Variants in ZNF423 observed in about 807,000 individuals in gnomAD.
The protein encoded by ZNF423 is zinc finger protein 423.
A neutral mutation model predicts 95.8 loss-of-function variants in ZNF423; 12 were observed. The observed-to-expected ratio is 0.13, with a 90% CI of 0.08 to 0.20. The LOEUF is 0.20. Ranked by LOEUF, ZNF423 falls within the 10% of genes least tolerant of loss-of-function variation. The pLI, the probability that ZNF423 is intolerant of heterozygous loss-of-function variation, is 1.00. For synonymous variants in ZNF423, 749 were observed against 711.9 expected, an observed-to-expected ratio of 1.05 and a Z score of -0.83; for missense variants, 1,316 against 1,737.1, an observed-to-expected ratio of 0.76 and a Z score of 4.31.
chr16:49,506,524 T>G (rs1967650314), intron 7 of ZNF423, among the ~76,000 whole-genome samples: 1 of 115,948 alleles, frequency 8.6e-6, no homozygotes, highest in African/African-American at 3.9e-5. Context: ...TGGACAGATG[T>G]ATGGATGGAT....
intron 3 of ZNF423, among the ~76,000 whole-genome samples, chr16:49,671,711 T>A (rs950725778): frequency 3.3e-5 from 5 of 152,050 alleles, no homozygotes; most frequent in African/African-American, 1.2e-4. Context: ...TGAGGCGGAG[T>A]CTCACTCTGT....
intron 2 of ZNF423, 106 bp downstream of exon 2, chr16:49,789,381 G>A (rs2034372298): frequency 9.1e-7 from 1 of 1,104,276 alleles, no homozygotes; most frequent in Non-Finnish European, 1.3e-6. Context: ...AGGCAGGAAT[G>A]TGACACGAAG....
At chr16:49,680,821 C>T (rs1000157365) in intron 3 of ZNF423, among the ~76,000 whole-genome samples, 1 of 152,212 alleles carries the variant, frequency 6.6e-6, no homozygotes, top group East Asian at 1.9e-4. Flanking sequence ...CACAGCCTGC[C>T]AGGTCAAGGG....
At chr16:49,717,305 C>T (rs1001136988) in intron 3 of ZNF423, among the ~76,000 whole-genome samples, 9 of 150,432 alleles carry the variant, frequency 6.0e-5, no homozygotes, top group Non-Finnish European at 1.3e-4. Flanking sequence ...ATCATAGGAA[C>T]AGGCCCCCAT....
intron 2 of ZNF423, among the ~76,000 whole-genome samples, chr16:49,735,494 G>A (rs1398685296): frequency 1.3e-5 from 2 of 152,148 alleles, no homozygotes; most frequent in Non-Finnish European, 2.9e-5. Flanking sequence ...TCTGCAGGGA[G>A]ACCTTGACTC....
chr16:49,549,545 G>A lies in ZNF423; in HGVS notation c.3602-24051C>T, dbSNP rs118160349. Among the ~76,000 whole-genome samples, 337 of 152,328 alleles carry A rather than the reference G, an allele frequency of 2.2e-3. 1 individual carries two copies. Among genetic ancestry groups the A allele is most frequent in the African/African-American group, 7.0e-3 (291 of 41,578 alleles). On this transcript the variant is annotated intron_variant, in intron 5 of 7. Coordinates refer to ENST00000563137, the MANE Select transcript of ZNF423 (RefSeq NM_001379286.1). ...CCTCTCCTCCAGAGGTTGGCTGACCGAGAAGGTGACAGGTCTGGGACCACA... is the reference window on the plus strand; with the variant it reads ...CCTCTCCTCCAGAGGTTGGCTGACCAAGAAGGTGACAGGTCTGGGACCACA...
At chr16:49,540,603 G>T (rs181183447) in intron 5 of ZNF423, among the ~76,000 whole-genome samples, 21 of 152,216 alleles carry the variant, frequency 1.4e-4, no homozygotes, top group Non-Finnish European at 2.6e-4. Context: ...CTCAGATTTT[G>T]GGGGAAAAAG....
intron 1 of ZNF423, among the ~76,000 whole-genome samples, chr16:49,802,002 T>C (rs1272573165): frequency 6.6e-6 from 1 of 152,040 alleles, no homozygotes; most frequent in Non-Finnish European, 1.5e-5. Context: ...GAACATGCCA[T>C]TATACCCAGT....
intron 5 of ZNF423, among the ~76,000 whole-genome samples, chr16:49,578,165 G>A (rs763492826): frequency 6.6e-6 from 1 of 152,180 alleles, no homozygotes. Flanking sequence ...CATCCCCCAA[G>A]ACAGGACGGG....
At chr16:49,843,381 T>C (rs1320205228) in intron 1 of ZNF423, among the ~76,000 whole-genome samples, 1 of 152,154 alleles carries the variant, frequency 6.6e-6, no homozygotes, top group Non-Finnish European at 1.5e-5. Flanking sequence ...AGACTAATGG[T>C]TCCTAACCCT....
At chr16:49,600,519 G>T (rs1184022429) in intron 5 of ZNF423, among the ~76,000 whole-genome samples, 1 of 151,790 alleles carries the variant, frequency 6.6e-6, no homozygotes, top group Non-Finnish European at 1.5e-5. Flanking sequence ...CTAAACTCAG[G>T]GTCAGATAGA....
At chr16:49,827,400 C>A (rs549950180) in intron 1 of ZNF423, among the ~76,000 whole-genome samples, 3 of 152,222 alleles carry the variant, frequency 2.0e-5, no homozygotes, top group African/African-American at 4.8e-5. Flanking sequence ...AACATCAGCT[C>A]CAGGAGGGCA....
rs2033796085 is a variant in ZNF423 at position 49,759,893 on chromosome 16, T to TTTA, written c.101-28923_101-28922insTAA. ...TGGCCCTGGTTCTCTTTAGAGAGAT[T>TTTA]GCGAGTTGTGGGTGTTCCCCTGGGC... is the stretch of plus-strand genomic sequence containing the variant. On this transcript the variant is annotated intron_variant, in intron 2 of 7. Coordinates refer to ENST00000563137, the MANE Select transcript of ZNF423 (RefSeq NM_001379286.1). Among the ~76,000 whole-genome samples the TTTA allele has an allele frequency of 2.6e-5, 4 of 152,010 alleles. 1 individual carries two copies. In the South Asian group the frequency reaches 8.3e-4, roughly 32 times the overall value.
chr16:49,798,879 C>A (rs898970590), intron 1 of ZNF423, among the ~76,000 whole-genome samples: 1 of 152,232 alleles, frequency 6.6e-6, no homozygotes. Flanking sequence ...GTGCCCCTTC[C>A]TCTCCTTGCC....
intron 5 of ZNF423, among the ~76,000 whole-genome samples, chr16:49,540,557 A>G (rs1969214522): frequency 1.3e-5 from 2 of 152,098 alleles, no homozygotes; most frequent in Admixed American, 6.5e-5. Flanking sequence ...CTTGGATTCC[A>G]GGCATGAGCC....
At chr16:49,708,927 C>T (rs548932969) in intron 3 of ZNF423, among the ~76,000 whole-genome samples, 3 of 152,062 alleles carry the variant, frequency 2.0e-5, no homozygotes, top group Admixed American at 6.5e-5. Flanking sequence ...AATGAATGGG[C>T]GGGGGGTAAA....
chr16:49,729,352 T>G (rs1040513921), intron 3 of ZNF423, among the ~76,000 whole-genome samples: 1 of 152,122 alleles, frequency 6.6e-6, no homozygotes, highest in African/African-American at 2.4e-5. Flanking sequence ...ATTCCTCAAG[T>G]AGGATGAGGG....
chr16:49,679,217 C>T (rs979572646), intron 3 of ZNF423, among the ~76,000 whole-genome samples: 7 of 152,382 alleles, frequency 4.6e-5, no homozygotes, highest in South Asian at 2.1e-4. Flanking sequence ...CAGTCTGGAG[C>T]GACCGCTGCA....
At chr16:49,814,205 G>A (rs372808707) in intron 1 of ZNF423, among the ~76,000 whole-genome samples, 13 of 152,242 alleles carry the variant, frequency 8.5e-5, no homozygotes, top group East Asian at 3.9e-4. Context: ...GACTCCAGAC[G>A]GGGCCTGTAA....
Sources: gnomAD v4.1 joint callset for allele counts (sites outside exome capture counted in the v4.1 genomes callset) on GRCh38, gnomAD v4.1.1 for gene constraint, MANE v1.5 for transcripts, NCBI Gene and HGNC (gene_info 2026-07-23, HGNC 2026-07-21) for gene names.